The following ZC3H12B variants were observed in gnomAD, a reference collection of about 807,000 sequenced individuals.
ZC3H12B encodes probable ribonuclease ZC3H12B.
ZC3H12B carries 7 observed loss-of-function variants against 43.9 expected under a neutral mutation model. The observed-to-expected ratio is 0.16, with a 90% confidence interval of 0.09 to 0.30. The LOEUF (loss-of-function observed/expected upper bound fraction) is 0.30. ZC3H12B is among the 10% of genes least tolerant of loss of function. The pLI, the probability that ZC3H12B is intolerant of heterozygous loss-of-function variation, is 1.00. For synonymous variants in ZC3H12B, 222 were observed against 241.7 expected (o/e 0.92, Z 0.76); for missense variants, 475 against 670.2 (o/e 0.71, Z 3.22).
chrX:65,378,345 T>C (rs1355922165), intron 2 of ZC3H12B, among the ~76,000 whole-genome samples: 1 of 111,523 alleles, frequency 9.0e-6, no homozygotes, highest in Non-Finnish European at 1.9e-5. Flanking sequence ...TGTTTTTTAG[T>C]TTACTTTATT....
chrX:65,089,191 G>T, the ZC3H12B span, among the ~76,000 whole-genome samples: 2 of 111,144 alleles, frequency 1.8e-5, no homozygotes, highest in South Asian at 3.8e-4. Flanking sequence ...TGCATTATTA[G>T]GCAATTTTGT....
the ZC3H12B span, among the ~76,000 whole-genome samples, chrX:65,309,735 A>C: frequency 8.9e-6 from 1 of 112,272 alleles, no homozygotes; most frequent in South Asian, 3.7e-4. Flanking sequence ...ATTGATGTGA[A>C]AGTGAAAATC....
the ZC3H12B span, among the ~76,000 whole-genome samples, chrX:65,122,488 A>G: frequency 9.0e-6 from 1 of 111,269 alleles, no homozygotes; most frequent in Non-Finnish European, 1.9e-5. Context: ...GACAAGCAAA[A>G]TAACCAGCTA....
At chrX:65,335,698 A>G in the ZC3H12B span, among the ~76,000 whole-genome samples, 1 of 112,083 alleles carries the variant, frequency 8.9e-6, no homozygotes, top group Admixed American at 9.5e-5. Flanking sequence ...GCCAGACTAC[A>G]GCATTGGGCA....
chrX:65,355,303 A>G, the ZC3H12B span, among the ~76,000 whole-genome samples: 1 of 111,990 alleles, frequency 8.9e-6, no homozygotes, highest in Non-Finnish European at 1.9e-5. Flanking sequence ...GTGGGGGTCA[A>G]TATTCAACAT....
the ZC3H12B span, among the ~76,000 whole-genome samples, chrX:65,119,880 C>T: frequency 4.4e-3 from 497 of 111,905 alleles, 3 homozygotes; most frequent in African/African-American, 0.015. Context: ...GCCAGTTTTC[C>T]TAGCACCATT....
At chrX:65,406,361 G>C (rs748215402) in intron 3 of ZC3H12B, among the ~76,000 whole-genome samples, 4 of 40,476 alleles carry the variant, frequency 9.9e-5, no homozygotes, top group African/African-American at 2.0e-4. Flanking sequence ...CAATCAATGC[G>C]ATACATCATA....
chrX:65,157,398 T>C, the ZC3H12B span, among the ~76,000 whole-genome samples: 1 of 112,553 alleles, frequency 8.9e-6, no homozygotes. Context: ...TGTTATTACA[T>C]ACATATAGAA....
At chrX:65,393,515 G>C (rs1023403181) in intron 2 of ZC3H12B, among the ~76,000 whole-genome samples, 2 of 111,036 alleles carry the variant, frequency 1.8e-5, no homozygotes, top group Non-Finnish European at 3.8e-5. Context: ...TGTTCTCATT[G>C]TTCAACTCCC....
the ZC3H12B span, among the ~76,000 whole-genome samples, chrX:65,089,595 T>G: frequency 8.9e-6 from 1 of 111,966 alleles, no homozygotes. Flanking sequence ...AATATTTTTC[T>G]TCAATAAGAA....
the ZC3H12B span, among the ~76,000 whole-genome samples, chrX:65,257,439 T>A: frequency 1.8e-5 from 2 of 109,433 alleles, no homozygotes; most frequent in African/African-American, 6.7e-5. Flanking sequence ...AACATCACAC[T>A]CCAGGGCCTG....
chrX:65,121,633 T>C, the ZC3H12B span, among the ~76,000 whole-genome samples: 1 of 111,685 alleles, frequency 9.0e-6, no homozygotes, highest in African/African-American at 3.3e-5. Flanking sequence ...TGAAGGGTTT[T>C]TGTGTCTCTA....
At chrX:65,352,306 G>A in the ZC3H12B span, among the ~76,000 whole-genome samples, 5 of 111,126 alleles carry the variant, frequency 4.5e-5, no homozygotes, top group Admixed American at 3.8e-4. Context: ...TCACACACCA[G>A]GGCCTGTCCC....
chrX:65,308,483 T>C, the ZC3H12B span, among the ~76,000 whole-genome samples: 1 of 111,657 alleles, frequency 9.0e-6, no homozygotes, highest in African/African-American at 3.3e-5. Context: ...CCCAGATTCA[T>C]AAAGCAACTC....
intron 3 of ZC3H12B, among the ~76,000 whole-genome samples, chrX:65,461,818 G>A (rs989154351): frequency 1.2e-4 from 13 of 109,893 alleles, no homozygotes; most frequent in South Asian, 7.8e-4. Context: ...AAACCTGCAC[G>A]TTGTGCACAT....
the ZC3H12B span, among the ~76,000 whole-genome samples, chrX:65,152,438 A>G: frequency 9.0e-6 from 1 of 111,443 alleles, no homozygotes; most frequent in African/African-American, 3.3e-5. Context: ...TACACCAATA[A>G]CAGACAGAGA....
At chrX:65,061,007 C>G in the ZC3H12B span, among the ~76,000 whole-genome samples, 2 of 111,557 alleles carry the variant, frequency 1.8e-5, no homozygotes, top group African/African-American at 3.3e-5. Flanking sequence ...TTGTATATAT[C>G]TAGGAATTTG....
intron 3 of ZC3H12B, among the ~76,000 whole-genome samples, chrX:65,447,421 C>T (rs2067393079): frequency 1.8e-5 from 2 of 111,308 alleles, no homozygotes; most frequent in Admixed American, 9.6e-5. Flanking sequence ...TATCTCTGAA[C>T]ATCTACAAAA....
chrX:65,430,191 G>A (rs2067138359), intron 3 of ZC3H12B, among the ~76,000 whole-genome samples: 1 of 111,476 alleles, frequency 9.0e-6, no homozygotes, highest in African/African-American at 3.3e-5. Flanking sequence ...GTGTGCCTGA[G>A]CAGCTGCTCT....
Sources: allele counts gnomAD v4.1 joint callset (sites outside exome capture counted in the v4.1 genomes callset), GRCh38; gene constraint gnomAD v4.1.1; transcripts MANE v1.5; gene names NCBI Gene and HGNC (gene_info 2026-07-23, HGNC 2026-07-21).